LRRC72: variants seen among roughly 807,000 people sequenced by gnomAD.
LRRC72 encodes the protein leucine rich repeat containing 72.
A neutral mutation model predicts 35.8 loss-of-function variants in LRRC72; 41 were observed. The observed-to-expected ratio is 1.15, with a 90% CI of 0.89 to 1.49. The LOEUF (loss-of-function observed/expected upper bound fraction) is 1.49, where lower values mean the gene tolerates loss of function less well. Ranked by LOEUF, LRRC72 falls within the 40% of genes most tolerant of loss-of-function variation. LRRC72 has a pLI of 0.00. For missense variants in LRRC72, 389 were observed against 330.7 expected (o/e 1.18, Z -1.37); for synonymous variants, 118 against 119.2 (o/e 0.99, Z 0.07).
Position 16,532,509 on chromosome 7 carries a change from G to A in LRRC72, c.105G>A (p.Gln35=). 1.3e-6 allele frequency: 2 copies of A among 1,549,988 alleles called. No homozygotes were observed. The highest frequency in any genetic ancestry group is 2.4e-5 in the South Asian group (2 of 84,050). The change falls in exon 2 of 9, where the codon CAG becomes CAA. Residue 35 remains glutamine (Q), a synonymous_variant. Transcript: ENST00000401542. ...TATGTTATCAGGCAGTTGAAGATCA[G>A]CTAAAGATATGTGGCCACAGGAGGG... ...LQSSRRAVED[Q]LKICGHRRDA... is the part of the protein sequence containing the mutation.
chr7:16,561,435 G>A (rs574288890), intron 5 of LRRC72, among the ~76,000 whole-genome samples: 1 of 152,302 alleles, frequency 6.6e-6, no homozygotes, highest in African/African-American at 2.4e-5. Context: ...AGGACTGAAT[G>A]GATCCTGAAA....
intron 1 of LRRC72, among the ~76,000 whole-genome samples, chr7:16,527,697 ATGGGGGGCTGC>A (rs961376100): frequency 6.6e-6 from 1 of 152,102 alleles, no homozygotes; most frequent in African/African-American, 2.4e-5. Context: ...ATCTGCAAAG[ATGGGGGGCTGC>A]TGTGATTAAA....
intron 3 of LRRC72, among the ~76,000 whole-genome samples, chr7:16,554,788 C>G (rs1009346055): frequency 6.6e-6 from 1 of 152,188 alleles, no homozygotes; most frequent in South Asian, 2.1e-4. Flanking sequence ...CGTGGGAAAA[C>G]CATGATTCTA....
chr7:16,576,327 C>T (rs1783039826), intron 7 of LRRC72, among the ~76,000 whole-genome samples: 1 of 151,858 alleles, frequency 6.6e-6, no homozygotes, highest in Non-Finnish European at 1.5e-5. Context: ...TGGTGACATT[C>T]TAAAAAATTA....
chr7:16,577,897 C>T (rs990119704), intron 7 of LRRC72, among the ~76,000 whole-genome samples: 10 of 152,112 alleles, frequency 6.6e-5, no homozygotes, highest in South Asian at 2.1e-4. Flanking sequence ...GAGGGGGGAA[C>T]GAGCACAATT....
intron 7 of LRRC72, among the ~76,000 whole-genome samples, chr7:16,573,073 T>A (rs1035928469): frequency 6.6e-6 from 1 of 151,892 alleles, no homozygotes; most frequent in African/African-American, 2.4e-5. Flanking sequence ...GAGAATAAAA[T>A]ACCTAGGAAT....
At chr7:16,537,847 A>T (rs1168130550) in intron 3 of LRRC72, among the ~76,000 whole-genome samples, 151 bp downstream of exon 3, 6 of 152,056 alleles carry the variant, frequency 3.9e-5, no homozygotes, top group Admixed American at 3.9e-4. Context: ...TATCTGGTAC[A>T]TATATATATA....
intron 3 of LRRC72, among the ~76,000 whole-genome samples, chr7:16,542,951 T>C (rs1032562655): frequency 6.6e-6 from 1 of 152,218 alleles, no homozygotes; most frequent in African/African-American, 2.4e-5. Flanking sequence ...CGTGTAGTAC[T>C]GAAAGGATTT....
chr7:16,530,348 A>C (rs1257504791), intron 1 of LRRC72: 1 of 152,162 alleles, frequency 6.6e-6, no homozygotes, highest in Non-Finnish European at 1.5e-5. Flanking sequence ...GCAAGCATGA[A>C]TTCACATTCC....
At position 16,567,480 on chromosome 7, in the gene LRRC72, G is replaced by T; in HGVS notation, c.607G>T (p.Val203Leu). 1 of 1,532,166 alleles carries T rather than the reference G, an allele frequency of 6.5e-7. No individual in the cohort carries two copies. Among genetic ancestry groups the T allele is most frequent in the Non-Finnish European group, 8.8e-7 (1 of 1,137,696 alleles). The allele number at this position is 1,532,166 out of a possible 1,614,324, so 94.9% of individuals were successfully genotyped here. ...IVQSIAFGGK[V>L]DASWDPKSPF... ...TCAATCAATAGCATTCGGAGGAAAA[G>T]TGGATGCTTCATGGGATCCTAAATC... The change falls in exon 7 of 9, where the codon GTG (valine) becomes TTG (leucine). Residue 203 changes from valine (V) to leucine (L), a missense_variant. Transcript: ENST00000401542.
chr7:16,527,083 C>T (rs1782082842), intron 1 of LRRC72, 41 bp downstream of exon 1: 1 of 1,499,924 alleles, frequency 6.7e-7, no homozygotes, highest in South Asian at 1.2e-5. Context: ...GCCCCTTTGG[C>T]CCCCTGCCCC....
chr7:16,554,056 C>A (rs748204583), intron 3 of LRRC72, among the ~76,000 whole-genome samples: 9 of 152,160 alleles, frequency 5.9e-5, no homozygotes, highest in Non-Finnish European at 1.2e-4. Context: ...CGGCCAGGTG[C>A]GGTGGCTCAC....
chr7:16,575,142 G>A (rs1783017566), intron 7 of LRRC72, among the ~76,000 whole-genome samples: 1 of 151,800 alleles, frequency 6.6e-6, no homozygotes, highest in Admixed American at 6.6e-5. Flanking sequence ...GAGGGAGGGA[G>A]GGAGGGAGGG....
chr7:16,551,688 G>A (rs1255025993), intron 3 of LRRC72, among the ~76,000 whole-genome samples: 2 of 151,984 alleles, frequency 1.3e-5, no homozygotes, highest in East Asian at 1.9e-4. Context: ...CCGGGGGGAG[G>A]GCATGGAAGC....
At chr7:16,572,997 T>G (rs1032396298) in intron 7 of LRRC72, among the ~76,000 whole-genome samples, 1 of 152,146 alleles carries the variant, frequency 6.6e-6, no homozygotes, top group Non-Finnish European at 1.5e-5. Flanking sequence ...CAAGCATTCC[T>G]ATACACCAAT....
chr7:16,581,228 A>C (rs1388182349), intron 8 of LRRC72, 96 bp from the exon 9 acceptor site: 35 of 1,131,268 alleles, frequency 3.1e-5, no homozygotes, highest in Non-Finnish European at 1.7e-5. Flanking sequence ...TAACACAGAA[A>C]AACATGGCAT....
intron 2 of LRRC72, 45 bp downstream of exon 2, chr7:16,532,613 T>C: frequency 7.4e-7 from 1 of 1,349,090 alleles, no homozygotes; most frequent in African/African-American, 1.4e-5. Context: ...CATGTTATCA[T>C]GATCATGTTA....
At chr7:16,577,685 C>T (rs1385056454) in intron 7 of LRRC72, among the ~76,000 whole-genome samples, 1 of 151,376 alleles carries the variant, frequency 6.6e-6, no homozygotes, top group African/African-American at 2.4e-5. Context: ...AGTTAACACT[C>T]ATAATTTCTA....
intron 7 of LRRC72, among the ~76,000 whole-genome samples, chr7:16,567,770 T>C (rs919156196): frequency 6.6e-6 from 1 of 152,114 alleles, no homozygotes; most frequent in Admixed American, 6.5e-5. Context: ...AATGGGGTGC[T>C]GTGATAATAA....
Sources: gnomAD v4.1 joint callset for allele counts (sites outside exome capture counted in the v4.1 genomes callset) on GRCh38, gnomAD v4.1.1 for gene constraint, MANE v1.5 for transcripts, NCBI Gene and HGNC (gene_info 2026-07-23, HGNC 2026-07-21) for gene names.